Variants in OTOG observed in about 807,000 individuals in gnomAD.
OTOG encodes the protein otogelin.
In OTOG, 296 loss-of-function variants were observed where a neutral mutation model predicts 313.8. That is an observed-to-expected ratio of 0.94 (90% CI 0.86 to 1.04). The LOEUF (loss-of-function observed/expected upper bound fraction) is 1.04, where lower values mean the gene tolerates loss of function less well. OTOG is among the 50% of genes least tolerant of loss of function. The probability of loss-of-function intolerance (pLI) is 0.00; values close to 1 mark genes in which losing one functional copy is unlikely to be tolerated. For synonymous variants in OTOG, 1,533 were observed against 1,554.9 expected, an observed-to-expected ratio of 0.99 and a Z score of 0.33; for missense variants, 3,948 against 3,840.1, an observed-to-expected ratio of 1.03 and a Z score of -0.74.
At chr11:17,612,968 C>T (rs1240484150) in intron 38 of OTOG, among the ~76,000 whole-genome samples, 1 of 152,188 alleles carries the variant, frequency 6.6e-6, no homozygotes, top group Admixed American at 6.5e-5. Context: ...GAGTGTGCCA[C>T]CTCCTGGCCC....
chr11:17,597,755 G>T (rs773505738), intron 30 of OTOG, among the ~76,000 whole-genome samples: 10 of 152,294 alleles, frequency 6.6e-5, no homozygotes, highest in Non-Finnish European at 1.3e-4. Context: ...CGCACCAAAG[G>T]ATTTTCCTCG....
rs116447601 is a variant in OTOG, at chr11:17,634,399, G to C, written c.7480+118G>C. 2,760 of 1,150,970 alleles carry C rather than the reference G, an allele frequency of 2.4e-3. 43 individuals carry two copies. The African/African-American group carries it at 0.035, about 15-fold the overall frequency. 71.3% of individuals were successfully genotyped at this position (1,150,970 alleles called of 1,614,324 possible). Reference sequence around the variant, plus strand: ...CTAGGAAAAGCAAAGTGTCTTGTAGGGGGTGAGCTTGGAGGAGGGGAGAAC... The same window carrying C: ...CTAGGAAAAGCAAAGTGTCTTGTAGCGGGTGAGCTTGGAGGAGGGGAGAAC... On this transcript the variant is annotated intron_variant, in intron 44 of 55. Transcript: ENST00000399397.
chr11:17,568,538 AG>A (rs1852337560), intron 15 of OTOG, among the ~76,000 whole-genome samples: 1 of 152,224 alleles, frequency 6.6e-6, no homozygotes, highest in South Asian at 2.1e-4. Flanking sequence ...AATTTCCTTG[AG>A]GACAGAAACT....
intron 44 of OTOG, 52 bp from the exon 45 acceptor site, chr11:17,634,792 C>A (rs1854220451): frequency 1.4e-6 from 2 of 1,443,376 alleles, no homozygotes; most frequent in Non-Finnish European, 1.9e-6. Context: ...CACTGGAGAG[C>A]AGTGGGGACA....
chr11:17,565,696 T>C (rs1335081031), intron 15 of OTOG, among the ~76,000 whole-genome samples: 1 of 152,230 alleles, frequency 6.6e-6, no homozygotes, highest in African/African-American at 2.4e-5. Flanking sequence ...ATTTTATACT[T>C]TGAGTTATAA....
In OTOG at chr11:17,567,369, A is replaced by T. The variant is rs547898341; in HGVS notation, c.1645-1787A>T. On this transcript the variant is annotated intron_variant, in intron 15 of 55. Transcript: ENST00000399397. ...TATTTCTTTAAAGTTTCAAGCCCTG[A>T]TCATTCTGTCATTTCACTGTGTCAC... Among the ~76,000 whole-genome samples the T allele has an allele frequency of 1.4e-4, 21 of 152,338 alleles. No homozygotes were observed. The East Asian group carries it at 4.1e-3, about 29-fold the overall frequency.
At chr11:17,599,814 G>A (rs141778230) in intron 31 of OTOG, 117 bp downstream of exon 31, 103 of 1,195,448 alleles carry the variant, frequency 8.6e-5, no homozygotes, top group African/African-American at 2.6e-4. Flanking sequence ...GCCGTGACCC[G>A]GAATGGGAGG....
In OTOG at chr11:17,555,690, C is replaced by A. The variant is rs545959247; in HGVS notation, c.541-89C>A. The A allele has an allele frequency of 3.9e-6, 4 of 1,018,296 alleles. No homozygotes were observed. The African/African-American group carries it at 6.4e-5, about 16-fold the overall frequency. The allele number at this position is 1,018,296 out of a possible 1,614,324, so 63.1% of individuals were successfully genotyped here. A position where few individuals can be genotyped will look rare whatever the true frequency, so the allele number is the denominator to read the frequency against. ...CAGTTGGTATGCAGGGGACAGCCAT[C>A]GGCATTAGTGAAAACTCAATAAGGT... On this transcript the variant is annotated intron_variant, in intron 6 of 55. Transcript: ENST00000399397.
At chr11:17,571,673 T>A (rs2134024770) in intron 17 of OTOG, among the ~76,000 whole-genome samples, 1 of 152,266 alleles carries the variant, frequency 6.6e-6, no homozygotes, top group South Asian at 2.1e-4. Flanking sequence ...GGGTGGGGAA[T>A]GAAGCCATAT....
At chr11:17,582,768 T>G (rs1852701008) in intron 23 of OTOG, among the ~76,000 whole-genome samples, 1 of 152,206 alleles carries the variant, frequency 6.6e-6, no homozygotes, top group Non-Finnish European at 1.5e-5. Context: ...CTTTGTGAAG[T>G]GTCTGTTCTG....
At position 17,609,927 on chromosome 11, in the gene OTOG, G is replaced by T. The variant is rs545740473; in HGVS notation, c.4627G>T (p.Ala1543Ser). The T allele has an allele frequency of 1.3e-6, 2 of 1,528,708 alleles. No individual in the cohort carries two copies. Among genetic ancestry groups the T allele is most frequent in the Non-Finnish European group, 8.8e-7 (1 of 1,134,646 alleles). The allele number at this position is 1,528,708 out of a possible 1,614,324, so 94.7% of individuals were successfully genotyped here. Residue 1543 changes from alanine to serine, a missense_variant, in exon 36 of 56, where the codon GCC (alanine) becomes TCC (serine). Transcript: ENST00000399397. The stretch of plus-strand genomic sequence containing the variant: ...GGAGCTCACTGCATCTCAACTCCCC[G>T]CCGGCCCCACGGAGTCCCCAGCCAG... The part of the protein sequence containing the change: ...PLELTASQLP[A>S]GPTESPASKG...
chr11:17,605,975 C>T lies in OTOG; in HGVS notation c.3996C>T (p.Ala1332=). 6.4e-7 allele frequency: 1 copy of T among 1,550,634 alleles called. No homozygotes were observed. Among genetic ancestry groups the T allele is most frequent in the South Asian group, 1.2e-5 (1 of 84,064 alleles). ...WQGRDTFQQH[A]SFLLHRGTRQ... is the part of the protein sequence containing the mutation. Reference sequence around the variant, plus strand: ...GCCGTGACACCTTCCAACAGCATGCCTCCTTCTTGCTGCACCGGGGGACAC... The same window carrying T: ...GCCGTGACACCTTCCAACAGCATGCTTCCTTCTTGCTGCACCGGGGGACAC... The change falls in exon 33 of 56, where the codon GCC becomes GCT. Residue 1332 remains alanine (A), a synonymous_variant. Transcript: ENST00000399397.
intron 4 of OTOG, among the ~76,000 whole-genome samples, chr11:17,552,615 T>TGTGTCCCCCAC (rs1454853324): frequency 8.7e-4 from 132 of 150,940 alleles, no homozygotes; most frequent in African/African-American, 2.4e-3. Flanking sequence ...CCACCTGTCC[T>TGTGTCCCCCAC]CTCACATCAT....
intron 29 of OTOG, 148 bp from the exon 30 acceptor site, chr11:17,596,703 T>C: frequency 1.5e-6 from 1 of 677,476 alleles, no homozygotes. Flanking sequence ...CTCGCTTCCT[T>C]GTCCTTCTCC....
At chr11:17,607,999 C>T (rs1356550401) in intron 33 of OTOG, among the ~76,000 whole-genome samples, 3 of 152,130 alleles carry the variant, frequency 2.0e-5, no homozygotes, top group Non-Finnish European at 2.9e-5. Flanking sequence ...GGTCACCCTT[C>T]GAAACCTCAC....
chr11:17,636,550 G>A (rs1458814219), intron 47 of OTOG, among the ~76,000 whole-genome samples: 2 of 152,156 alleles, frequency 1.3e-5, no homozygotes, highest in Non-Finnish European at 2.9e-5. Flanking sequence ...AAACAATGTA[G>A]GCTCCCATCC....
intron 18 of OTOG, 119 bp downstream of exon 18, chr11:17,572,323 G>C: frequency 7.3e-7 from 1 of 1,365,948 alleles, no homozygotes; most frequent in Non-Finnish European, 9.8e-7. Flanking sequence ...GGAGTGATAA[G>C]AGAAGGAGGA....
intron 47 of OTOG, among the ~76,000 whole-genome samples, chr11:17,637,386 C>A (rs1590059709): frequency 6.6e-6 from 1 of 152,270 alleles, no homozygotes; most frequent in African/African-American, 2.4e-5. Flanking sequence ...CATCTCTCAT[C>A]CTAGCACAGG....
At chr11:17,625,401 T>C (rs1400112690) in intron 39 of OTOG, among the ~76,000 whole-genome samples, 1 of 152,244 alleles carries the variant, frequency 6.6e-6, no homozygotes, top group Non-Finnish European at 1.5e-5. Flanking sequence ...TTTCTGCACC[T>C]ATTGAGATAA....
Sources: allele counts gnomAD v4.1 joint callset (sites outside exome capture counted in the v4.1 genomes callset), GRCh38; gene constraint gnomAD v4.1.1; transcripts MANE v1.5; gene names NCBI Gene and HGNC (gene_info 2026-07-23, HGNC 2026-07-21).